The following XKR6 variants were observed in gnomAD, a reference collection of about 807,000 sequenced individuals.
XKR6 encodes the protein XK related 6.
XKR6 carries 22 observed loss-of-function variants against 56.7 expected under a neutral mutation model. That is an observed-to-expected ratio of 0.39 (90% CI 0.28 to 0.55). The LOEUF (loss-of-function observed/expected upper bound fraction) is 0.55, where lower values mean the gene tolerates loss of function less well. Among genes scored for constraint, XKR6 ranks in the 20% least tolerant of loss-of-function variants. XKR6 has a pLI of 0.66. For synonymous variants in XKR6, 524 were observed against 387.8 expected (o/e 1.35, Z -4.13); for missense variants, 852 against 889.0 (o/e 0.96, Z 0.53).
At chr8:10,922,223 C>G (rs1219908807) in intron 2 of XKR6, among the ~76,000 whole-genome samples, 1 of 152,230 alleles carries the variant, frequency 6.6e-6, no homozygotes, top group Non-Finnish European at 1.5e-5. Flanking sequence ...AAGTCTCAGA[C>G]AGCAGCTGAG....
At chr8:11,109,405 G>C (rs764349430) in intron 1 of XKR6, 1 of 152,100 alleles carries the variant, frequency 6.6e-6, no homozygotes, top group African/African-American at 2.4e-5. Context: ...TATCCATTCA[G>C]AACATACCAG....
At chr8:10,921,407 T>C (rs921633393) in intron 2 of XKR6, among the ~76,000 whole-genome samples, 5 of 152,110 alleles carry the variant, frequency 3.3e-5, no homozygotes, top group African/African-American at 1.2e-4. Flanking sequence ...GGTGGTACCA[T>C]GAGGATGGGG....
At chr8:11,107,957 C>G (rs1798743124) in intron 1 of XKR6, 2 of 296,926 alleles carry the variant, frequency 6.7e-6, no homozygotes, top group South Asian at 6.1e-5. Flanking sequence ...TCTGATGATG[C>G]TCTTCCATCT....
chr8:11,152,046 A>T (rs1158339667), intron 1 of XKR6, among the ~76,000 whole-genome samples: 1 of 152,226 alleles, frequency 6.6e-6, no homozygotes, highest in Non-Finnish European at 1.5e-5. Flanking sequence ...TTACTATCAA[A>T]ACAAAGCGGT....
chr8:11,071,218 T>C (rs932940767), intron 1 of XKR6, among the ~76,000 whole-genome samples: 1 of 152,130 alleles, frequency 6.6e-6, no homozygotes, highest in Admixed American at 6.5e-5. Context: ...TTGCTCAGCA[T>C]TTAGGGCCCT....
chr8:11,110,703 C>A (rs995843918), intron 1 of XKR6, among the ~76,000 whole-genome samples: 1 of 152,294 alleles, frequency 6.6e-6, no homozygotes, highest in East Asian at 1.9e-4. Flanking sequence ...AAAAGATAGC[C>A]GCTCGAGGAC....
At chr8:11,099,885 C>A (rs1798402724) in intron 1 of XKR6, among the ~76,000 whole-genome samples, 1 of 152,088 alleles carries the variant, frequency 6.6e-6, no homozygotes, top group South Asian at 2.1e-4. Flanking sequence ...GCGGAGGAGA[C>A]AATTTAGCAG....
At chr8:11,171,748 C>G (rs1220009676) in intron 1 of XKR6, among the ~76,000 whole-genome samples, 4 of 152,090 alleles carry the variant, frequency 2.6e-5, no homozygotes, top group African/African-American at 7.2e-5. Context: ...GAACTTTTTT[C>G]CTTTAAAAGT....
At chr8:10,994,722 T>C (rs4841472) in intron 1 of XKR6, among the ~76,000 whole-genome samples, 1 of 151,994 alleles carries the variant, frequency 6.6e-6, no homozygotes, top group Non-Finnish European at 1.5e-5. Flanking sequence ...AGAAAAAAAA[T>C]ACCCATTTTA....
chr8:11,163,421 C>T (rs1801918454), intron 1 of XKR6, among the ~76,000 whole-genome samples: 1 of 152,240 alleles, frequency 6.6e-6, no homozygotes, highest in South Asian at 2.1e-4. Flanking sequence ...TATCATTTCC[C>T]AAGTCCTCAC....
intron 2 of XKR6, among the ~76,000 whole-genome samples, chr8:10,901,168 G>A (rs749085279): frequency 6.6e-5 from 10 of 150,670 alleles, no homozygotes; most frequent in Non-Finnish European, 1.2e-4. Context: ...TGATTCTCCT[G>A]CCTCAGCCTC....
chr8:11,158,679 C>A (rs1801643791), intron 1 of XKR6, among the ~76,000 whole-genome samples: 3 of 152,176 alleles, frequency 2.0e-5, no homozygotes, highest in African/African-American at 7.2e-5. Flanking sequence ...GTGCTCAATT[C>A]TATTTATACA....
chr8:10,967,183 G>A (rs1202657635), intron 1 of XKR6, among the ~76,000 whole-genome samples: 2 of 152,184 alleles, frequency 1.3e-5, no homozygotes, highest in African/African-American at 2.4e-5. Flanking sequence ...TGCAATCTAT[G>A]AGAAAAGCAT....
chr8:11,201,233 C>T lies in XKR6; in HGVS notation c.107G>A (p.Gly36Glu), dbSNP rs1186899703. The change falls in exon 1 of 3, where the codon GGA (glycine) becomes GAA (glutamate). Residue 36 changes from glycine (G) to glutamate (E), a missense_variant. Coordinates refer to ENST00000416569, the MANE Select transcript of XKR6 (RefSeq NM_173683.4). ...GTCGCCGCCGCCGCCGCAGCCGCCTCCCCCGGGCTCCCCGTCCTCCTCGCC... is the reference window on the plus strand; with the variant it reads ...GTCGCCGCCGCCGCCGCAGCCGCCTTCCCCGGGCTCCCCGTCCTCCTCGCC... ...SGGEEDGEPG[G>E]GGCGGGGDGS... 2 of 1,551,348 alleles carry T rather than the reference C, an allele frequency of 1.3e-6. No individual in the cohort carries two copies. Among genetic ancestry groups the T allele is most frequent in the South Asian group, 1.2e-5 (1 of 85,252 alleles).
At chr8:11,086,757 T>A (rs771446727) in intron 1 of XKR6, among the ~76,000 whole-genome samples, 1 of 152,158 alleles carries the variant, frequency 6.6e-6, no homozygotes, top group Non-Finnish European at 1.5e-5. Context: ...GCCTCTCCAG[T>A]GAAAAGGGAG....
rs534929419 is a variant in XKR6, at chr8:11,151,426, G to A, written c.764+49150C>T. 2.0e-5 allele frequency among the ~76,000 whole-genome samples: 3 copies of A among 152,286 alleles called. No homozygotes were observed. The South Asian group carries it at 6.2e-4, about 32-fold the overall frequency. ...AAAATTGATTAAGAGCAAAGAACAT[G>A]CACATCATTTGCTGTAATTTTCTAT... On this transcript the variant is annotated intron_variant, in intron 1 of 2. Coordinates refer to ENST00000416569, the MANE Select transcript of XKR6 (RefSeq NM_173683.4).
chr8:10,981,174 C>T (rs1161461210), intron 1 of XKR6, among the ~76,000 whole-genome samples: 2 of 152,168 alleles, frequency 1.3e-5, no homozygotes, highest in Non-Finnish European at 2.9e-5. Flanking sequence ...ACAGCTCTTG[C>T]AATACTGAGA....
At chr8:10,958,903 T>C (rs1386789030) in intron 1 of XKR6, among the ~76,000 whole-genome samples, 1 of 152,250 alleles carries the variant, frequency 6.6e-6, no homozygotes, top group Non-Finnish European at 1.5e-5. Flanking sequence ...CAGCAAGGCC[T>C]GGATGCTTTA....
chr8:11,169,991 T>TTCTCTTGGAGAGACTTTTTGGAG (rs1586646223), intron 1 of XKR6, among the ~76,000 whole-genome samples: 1 of 151,952 alleles, frequency 6.6e-6, no homozygotes, highest in East Asian at 1.9e-4. Context: ...ATAACAAAAT[T>TTCTCTTGGAGAGACTTTTTGGAG]TCTCTTGGAG....
Sources: allele counts gnomAD v4.1 joint callset (sites outside exome capture counted in the v4.1 genomes callset), GRCh38; gene constraint gnomAD v4.1.1; transcripts MANE v1.5; gene names NCBI Gene and HGNC (gene_info 2026-07-23, HGNC 2026-07-21).